ABCC1: variants seen among roughly 807,000 people sequenced by gnomAD.
The protein encoded by ABCC1 is ATP binding cassette subfamily C member 1 (ABCC1 blood group).
A neutral mutation model predicts 172.9 loss-of-function variants in ABCC1; 83 were observed. The observed-to-expected ratio is 0.48, with a 90% CI of 0.40 to 0.58. The LOEUF (loss-of-function observed/expected upper bound fraction) is 0.58. Ranked by LOEUF, ABCC1 falls within the 20% of genes least tolerant of loss-of-function variation. The pLI, the probability that ABCC1 is intolerant of heterozygous loss-of-function variation, is 0.00. For synonymous variants in ABCC1, 937 were observed against 825.2 expected, an observed-to-expected ratio of 1.14 and a Z score of -2.32; for missense variants, 1,817 against 2,002.7, an observed-to-expected ratio of 0.91 and a Z score of 1.77.
At chr16:15,960,320 G>A (rs375568094) in intron 1 of ABCC1, among the ~76,000 whole-genome samples, 62 of 152,106 alleles carry the variant, frequency 4.1e-4, no homozygotes, top group African/African-American at 1.3e-3. Context: ...TTGAGCTCAA[G>A]CAGTCTCCCA....
intron 1 of ABCC1, among the ~76,000 whole-genome samples, chr16:15,958,989 C>T (rs1004138500): frequency 1.3e-5 from 2 of 152,172 alleles, no homozygotes; most frequent in Admixed American, 6.5e-5. Context: ...GAAAATGCCT[C>T]TAGATGTTTC....
At chr16:16,122,283 G>T in intron 24 of ABCC1, 109 bp downstream of exon 24, 1 of 1,228,636 alleles carries the variant, frequency 8.1e-7, no homozygotes, top group Non-Finnish European at 1.1e-6. Flanking sequence ...GCCAAACCCC[G>T]GCCTTGCAGA....
At chr16:16,033,260 C>T (rs887134343) in intron 6 of ABCC1, 90 bp downstream of exon 6, 1 of 1,267,874 alleles carries the variant, frequency 7.9e-7, no homozygotes, top group African/African-American at 1.5e-5. Context: ...TCCCCCTCCC[C>T]AACTTCTCCC....
chr16:16,117,013 G>A (rs576269026), intron 23 of ABCC1, among the ~76,000 whole-genome samples: 123 of 152,256 alleles, frequency 8.1e-4, no homozygotes, highest in Middle Eastern at 3.4e-3. Flanking sequence ...TTCACACCGC[G>A]GATGGGACTG....
chr16:16,123,672 T>C (rs1478323246), intron 24 of ABCC1, among the ~76,000 whole-genome samples: 1 of 151,328 alleles, frequency 6.6e-6, no homozygotes, highest in Non-Finnish European at 1.5e-5. Flanking sequence ...AAAAGTAAAA[T>C]AAAATAGTTC....
At chr16:15,990,553 G>A (rs2046836459) in intron 1 of ABCC1, among the ~76,000 whole-genome samples, 1 of 152,132 alleles carries the variant, frequency 6.6e-6, no homozygotes, top group Admixed American at 6.6e-5. Context: ...GATGTCACAT[G>A]TGAGTGAGAT....
At position 16,047,717 on chromosome 16, in the gene ABCC1, G is replaced by A. The variant is rs560758637; in HGVS notation, c.1219-425G>A. On this transcript the variant is annotated intron_variant, in intron 9 of 30. Coordinates refer to ENST00000399410, the MANE Select transcript of ABCC1 (RefSeq NM_004996.4). ...TTAGAGACCCTGGCCCACACCCTCAGTCCTTCAGTGGGATCTGGGACCAGT... is the reference window on the plus strand; with the variant it reads ...TTAGAGACCCTGGCCCACACCCTCAATCCTTCAGTGGGATCTGGGACCAGT... 3.5e-4 allele frequency among the ~76,000 whole-genome samples: 54 copies of A among 152,120 alleles called. 1 individual carries two copies. The highest frequency in any genetic ancestry group is 1.1e-3 in the Admixed American group (17 of 15,256).
intron 21 of ABCC1, among the ~76,000 whole-genome samples, 169 bp from the exon 22 acceptor site, chr16:16,111,206 T>G (rs1483713699): frequency 6.6e-6 from 1 of 152,146 alleles, no homozygotes; most frequent in Non-Finnish European, 1.5e-5. Context: ...GCCCTCGACT[T>G]TGTTTACTGC....
At chr16:15,959,917 C>G (rs1316836113) in intron 1 of ABCC1, among the ~76,000 whole-genome samples, 1 of 152,068 alleles carries the variant, frequency 6.6e-6, no homozygotes, top group East Asian at 1.9e-4. Flanking sequence ...GAGGGAGGCT[C>G]TAGGCTAGCA....
chr16:16,093,196 G>A (rs978445634), intron 19 of ABCC1, among the ~76,000 whole-genome samples: 2 of 151,818 alleles, frequency 1.3e-5, no homozygotes, highest in African/African-American at 4.8e-5. Context: ...GCAACTTCTC[G>A]GTGACTTTTT....
intron 13 of ABCC1, among the ~76,000 whole-genome samples, chr16:16,070,052 A>G (rs1442046702): frequency 6.6e-6 from 1 of 151,232 alleles, no homozygotes. Context: ...AAATAATACA[A>G]CATGAACCCC....
At chr16:16,035,353 C>T (rs879763178) in intron 6 of ABCC1, among the ~76,000 whole-genome samples, 6 of 151,940 alleles carry the variant, frequency 3.9e-5, no homozygotes, top group Non-Finnish European at 5.9e-5. Flanking sequence ...ACTGAGATGG[C>T]GCCATTACAC....
At chr16:16,138,055 C>CT in intron 29 of ABCC1, among the ~76,000 whole-genome samples, 1 of 151,930 alleles carries the variant, frequency 6.6e-6, no homozygotes, top group East Asian at 1.9e-4. Context: ...GGGGGTCTTG[C>CT]TTTTTTGCCC....
chr16:16,007,349 G>A (rs879747369), intron 1 of ABCC1, among the ~76,000 whole-genome samples: 1 of 151,922 alleles, frequency 6.6e-6, no homozygotes, highest in Non-Finnish European at 1.5e-5. Context: ...CACTTCAGCC[G>A]CCTGAGTGGC....
chr16:16,071,952 A>G (rs2050367232), intron 14 of ABCC1, among the ~76,000 whole-genome samples: 1 of 152,120 alleles, frequency 6.6e-6, no homozygotes, highest in Non-Finnish European at 1.5e-5. Flanking sequence ...CAGGAGGGTG[A>G]ACTTGCACTT....
intron 1 of ABCC1, among the ~76,000 whole-genome samples, chr16:16,000,043 C>T (rs533776610): frequency 6.0e-5 from 9 of 150,324 alleles, no homozygotes; most frequent in South Asian, 2.1e-4. Flanking sequence ...TTAGTACAGA[C>T]GGAGTTTCAC....
chr16:16,043,295 TTTTTTTTGTTTTG>T (rs147942712), intron 7 of ABCC1, among the ~76,000 whole-genome samples: 26,972 of 148,194 alleles, frequency 0.18, 2,693 homozygotes, highest in Non-Finnish European at 0.21. Context: ...ATTGTTGTTC[TTTTTTTTGTTTTG>T]TTTTTTTCTT....
intron 24 of ABCC1, among the ~76,000 whole-genome samples, chr16:16,124,285 C>T (rs1051499800): frequency 2.9e-5 from 4 of 138,170 alleles, no homozygotes; most frequent in Non-Finnish European, 6.2e-5. Flanking sequence ...TTAGGAATTT[C>T]CAGGACATCT....
chr16:16,065,282 G>T (rs2050068933), intron 12 of ABCC1, among the ~76,000 whole-genome samples: 1 of 152,152 alleles, frequency 6.6e-6, no homozygotes, highest in Non-Finnish European at 1.5e-5. Flanking sequence ...CTTGTTTAGA[G>T]ATGGGGGCCT....
Sources: allele counts gnomAD v4.1 joint callset (sites outside exome capture counted in the v4.1 genomes callset), GRCh38; gene constraint gnomAD v4.1.1; transcripts MANE v1.5; gene names NCBI Gene and HGNC (gene_info 2026-07-23, HGNC 2026-07-21).